Variants in THSD7A observed in about 807,000 individuals in gnomAD.
The protein encoded by THSD7A is thrombospondin type-1 domain-containing protein 7A.
THSD7A carries 96 observed loss-of-function variants against 231.3 expected under a neutral mutation model. The ratio of observed to expected loss-of-function variants is 0.41; its 90% CI spans 0.35 to 0.49. The LOEUF (loss-of-function observed/expected upper bound fraction) is 0.49, where lower values mean the gene tolerates loss of function less well. Ranked by LOEUF, THSD7A falls within the 20% of genes least tolerant of loss-of-function variation. THSD7A has a pLI of 0.05. For synonymous variants in THSD7A, 940 were observed against 743.3 expected (o/e 1.26, Z -4.30); for missense variants, 2,290 against 2,070.2 (o/e 1.11, Z -2.06).
At chr7:11,820,352 C>T in intron 1 of THSD7A, 1 of 1,083,216 alleles carries the variant, frequency 9.2e-7, no homozygotes, top group Non-Finnish European at 1.3e-6. Flanking sequence ...TCCTTCTCTT[C>T]TCTGTTCTCT....
Position 11,831,976 on chromosome 7 carries a change from C to A in THSD7A, c.-30G>T, listed in dbSNP as rs1030635486. ...CCTGCAGCCACTCCAGGGTCCAGAG[C>A]CGTAGCACGCTCGGCAGGGAATTTT... On this transcript the variant is annotated 5_prime_UTR_variant, in exon 1 of 28. Transcript: ENST00000423059. This position sits in a 1 kb window ranked among gnomAD's most constrained non-coding sequence, Gnocchi z 5.0. 4.9e-6 allele frequency: 6 copies of A among 1,219,046 alleles called. No homozygotes were observed. The highest frequency in any genetic ancestry group is 4.3e-5 in the Admixed American group (1 of 23,244). The allele number at this position is 1,219,046 out of a possible 1,614,324, so 75.5% of individuals were successfully genotyped here.
chr7:11,799,210 C>T (rs916648800), intron 1 of THSD7A, among the ~76,000 whole-genome samples: 3 of 152,218 alleles, frequency 2.0e-5, no homozygotes, highest in Admixed American at 6.5e-5. Flanking sequence ...CATGAGCCAC[C>T]GCGCCCGGCC....
chr7:11,618,829 G>C (rs1383035680), intron 2 of THSD7A, among the ~76,000 whole-genome samples: 1 of 151,444 alleles, frequency 6.6e-6, no homozygotes, highest in Non-Finnish European at 1.5e-5. Context: ...AATAAATTTA[G>C]TATTAATATA....
Position 11,442,679 on chromosome 7 carries a change from A to C in THSD7A, c.3064+3382T>G, listed in dbSNP as rs543140730. Among the ~76,000 whole-genome samples, 139 of 152,214 alleles carry C rather than the reference A, an allele frequency of 9.1e-4. 1 individual carries two copies. The highest frequency in any genetic ancestry group is 1.4e-3 in the Non-Finnish European group (98 of 67,988). Reference sequence around the variant, plus strand: ...CAGAACATATTTAAGGAAAGCAGGAATTCCCAAAGAAATCAGGCATTGGAG... The same window carrying C: ...CAGAACATATTTAAGGAAAGCAGGACTTCCCAAAGAAATCAGGCATTGGAG... On this transcript the variant is annotated intron_variant, in intron 13 of 27. Transcript: ENST00000423059.
intron 2 of THSD7A, among the ~76,000 whole-genome samples, chr7:11,599,968 A>G (rs1457108177): frequency 1.3e-5 from 2 of 152,004 alleles, no homozygotes; most frequent in Non-Finnish European, 2.9e-5. Context: ...CTCAGCCTAC[A>G]TCTTTCTCCT....
chr7:11,784,407 C>G (rs771440566), intron 1 of THSD7A, among the ~76,000 whole-genome samples: 1 of 151,490 alleles, frequency 6.6e-6, no homozygotes, highest in Non-Finnish European at 1.5e-5. Flanking sequence ...TCTGAAATCC[C>G]AATTAGATAT....
chr7:11,652,694 T>G lies in THSD7A; in HGVS notation c.191-15733A>C, dbSNP rs142854299. 4.2e-3 allele frequency among the ~76,000 whole-genome samples: 636 copies of G among 152,114 alleles called. 3 individuals carry two copies. Among genetic ancestry groups the G allele is most frequent in the African/African-American group, 0.015 (603 of 41,550 alleles). On this transcript the variant is annotated intron_variant, in intron 1 of 27. Transcript: ENST00000423059. ...ATTAAGTTGAAATTATAAATATACT[T>G]TTAAAATAAAAATGGTTTTGCTTCC...
chr7:11,536,679 C>T (rs1444967538), intron 6 of THSD7A, among the ~76,000 whole-genome samples: 2 of 152,100 alleles, frequency 1.3e-5, no homozygotes, highest in Non-Finnish European at 2.9e-5. Flanking sequence ...TTCATTCCCC[C>T]TTTTCTTACT....
At chr7:11,417,101 T>G (rs1783987536) in intron 17 of THSD7A, among the ~76,000 whole-genome samples, 1 of 152,230 alleles carries the variant, frequency 6.6e-6, no homozygotes, top group Non-Finnish European at 1.5e-5. Context: ...AAAGTACCTT[T>G]ACTTCATTCA....
chr7:11,732,617 A>T (rs1277005959), intron 1 of THSD7A, among the ~76,000 whole-genome samples: 3 of 151,828 alleles, frequency 2.0e-5, no homozygotes, highest in African/African-American at 7.2e-5. Flanking sequence ...AGAGTTTTCA[A>T]TTATTTATAA....
At chr7:11,532,964 G>A (rs923783624) in intron 6 of THSD7A, among the ~76,000 whole-genome samples, 2 of 152,086 alleles carry the variant, frequency 1.3e-5, no homozygotes, top group East Asian at 1.9e-4. Context: ...AAAGACTTAC[G>A]TGATTCACAG....
At chr7:11,764,499 T>G (rs143091102) in intron 1 of THSD7A, among the ~76,000 whole-genome samples, 7,540 of 146,546 alleles carry the variant, frequency 0.051, 216 homozygotes, top group East Asian at 0.15. Context: ...GAGAATAATG[T>G]GAACCCAGGA....
chr7:11,386,843 G>A (rs528398991), intron 23 of THSD7A, among the ~76,000 whole-genome samples: 10 of 152,280 alleles, frequency 6.6e-5, no homozygotes, highest in Admixed American at 1.3e-4. Context: ...TACGGTTTTA[G>A]GTCTTGGGTT....
At chr7:11,405,152 A>ATTTTTT (rs67149392) in intron 22 of THSD7A, among the ~76,000 whole-genome samples, 1 of 145,554 alleles carries the variant, frequency 6.9e-6, no homozygotes, top group Non-Finnish European at 1.5e-5. Context: ...ATCTCAAATG[A>ATTTTTT]TTTTTTTTTT....
chr7:11,776,878 T>A lies in THSD7A; in HGVS notation c.190+54879A>T, dbSNP rs540419324. On this transcript the variant is annotated intron_variant, in intron 1 of 27. Coordinates refer to ENST00000423059, the MANE Select transcript of THSD7A (RefSeq NM_015204.3). The stretch of plus-strand genomic sequence containing the variant: ...TGATTCTTTCTCGTCAGGCCTAGTA[T>A]AAATTTAAGGCATTTCAGCCATCAG... Among the ~76,000 whole-genome samples, 4 of 152,220 alleles carry A rather than the reference T, an allele frequency of 2.6e-5. No homozygotes were observed. The South Asian group carries it at 8.3e-4, about 31-fold the overall frequency.
chr7:11,474,382 C>T lies in THSD7A; in HGVS notation c.2204G>A (p.Arg735Lys). The T allele has an allele frequency of 3.7e-6, 6 of 1,613,496 alleles. No homozygotes were observed. Among genetic ancestry groups the T allele is most frequent in the Non-Finnish European group, 1.7e-6 (2 of 1,179,580 alleles). ...ATTGACTCGCACACAGATGACTTTT[C>T]TTGTCTGCATGCCGACAGAGCAGGA... ...EASCSVGMQT[R>K]KVICVRVNVG... Residue 735 changes from arginine (R) to lysine (K), a missense_variant, in exon 8 of 28, where the codon AGA becomes AAA. Transcript: ENST00000423059. The surrounding 1 kb of genome is among the most constrained non-coding windows in gnomAD (Gnocchi z 4.1).
chr7:11,494,147 G>A (rs542170268), intron 6 of THSD7A, among the ~76,000 whole-genome samples: 3 of 152,060 alleles, frequency 2.0e-5, no homozygotes, highest in East Asian at 1.9e-4. Context: ...TGCCAATGTG[G>A]CACAAATAGT....
intron 1 of THSD7A, among the ~76,000 whole-genome samples, chr7:11,790,429 T>C (rs953979776): frequency 2.0e-5 from 3 of 151,996 alleles, no homozygotes; most frequent in Non-Finnish European, 4.4e-5. Flanking sequence ...TGGTTTCATA[T>C]GCAAGCTCTT....
Position 11,637,200 on chromosome 7 carries a change from T to C in THSD7A, c.191-239A>G, listed in dbSNP as rs534867672. Among the ~76,000 whole-genome samples, 2 of 152,334 alleles carry C rather than the reference T, an allele frequency of 1.3e-5. No individual in the cohort carries two copies. Among genetic ancestry groups the C allele is most frequent in the East Asian group, 1.9e-4 (1 of 5,188 alleles). On this transcript the variant is annotated intron_variant, in intron 1 of 27. Coordinates refer to ENST00000423059, the MANE Select transcript of THSD7A (RefSeq NM_015204.3). The surrounding 1 kb of genome is among the most constrained non-coding windows in gnomAD (Gnocchi z 4.2). The stretch of plus-strand genomic sequence containing the variant: ...TGGGACAATTTCACTTTGGGTCCTT[T>C]AGGGATTACGAAAAGTTTGGTTTTG...
Sources: gnomAD v4.1 joint callset for allele counts (sites outside exome capture counted in the v4.1 genomes callset) on GRCh38, gnomAD v4.1.1 for gene constraint, Gnocchi (gnomAD v3.1) non-coding constraint, MANE v1.5 for transcripts, NCBI Gene and HGNC (gene_info 2026-07-23, HGNC 2026-07-21) for gene names.